ANKRD13B: variants seen among roughly 807,000 people sequenced by gnomAD.
The protein encoded by ANKRD13B is ankyrin repeat domain-containing protein 13B.
In ANKRD13B, 33 loss-of-function variants were observed where a neutral mutation model predicts 74.4. That is an observed-to-expected ratio of 0.44 (90% CI 0.34 to 0.59). The LOEUF is 0.59. Among genes scored for constraint, ANKRD13B ranks in the 20% least tolerant of loss-of-function variants. The probability of loss-of-function intolerance (pLI) is 0.02; values close to 1 mark genes in which losing one functional copy is unlikely to be tolerated. For synonymous variants in ANKRD13B, 341 were observed against 362.9 expected (o/e 0.94, Z 0.68); for missense variants, 676 against 877.9 (o/e 0.77, Z 2.91).
intron 1 of ANKRD13B, among the ~76,000 whole-genome samples, chr17:29,602,777 G>A (rs2034229012): frequency 6.6e-6 from 1 of 152,132 alleles, no homozygotes; most frequent in Non-Finnish European, 1.5e-5. Context: ...TCTTAGGAGG[G>A]GCACCATTCT....
At position 29,613,920 on chromosome 17, in the gene ANKRD13B, C is replaced by T. The variant is rs1423390201; in HGVS notation, c.*338C>T. On this transcript the variant is annotated 3_prime_UTR_variant, in exon 15 of 15. Coordinates refer to ENST00000394859, the MANE Select transcript of ANKRD13B (RefSeq NM_152345.5). ...ATGAATCCTTAGAGGAGCGCTGTCC[C>T]TATCCCTTGCTCCTTCTGGCCGGTC... 3 of 302,934 alleles carry T rather than the reference C, an allele frequency of 9.9e-6. No homozygotes were observed. Among genetic ancestry groups the T allele is most frequent in the African/African-American group, 4.3e-5 (2 of 46,130 alleles). 18.8% of individuals were successfully genotyped at this position (302,934 alleles called of 1,614,324 possible).
At chr17:29,593,881 ACCGGGAAAGGGTGATCCCCTCCGG>A in intron 1 of ANKRD13B, 146 bp downstream of exon 1, 2 of 167,836 alleles carry the variant, frequency 1.2e-5, no homozygotes, top group Non-Finnish European at 2.0e-5. Flanking sequence ...GTGCTTGTTG[ACCGGGAAAGGGTGATCCCCTCCGG>A]CCGGGACGGG....
intron 1 of ANKRD13B, among the ~76,000 whole-genome samples, chr17:29,602,567 A>G (rs2034221758): frequency 6.6e-6 from 1 of 152,074 alleles, no homozygotes; most frequent in Admixed American, 6.6e-5. Context: ...GCAGAACTCT[A>G]GTCTCTGCCT....
intron 14 of ANKRD13B, 152 bp downstream of exon 14, chr17:29,613,115 C>G: frequency 8.3e-7 from 1 of 1,198,538 alleles, no homozygotes. Flanking sequence ...AGGCGGCAGG[C>G]AGGGGTCAGG....
rs965829073 is a variant in ANKRD13B at position 29,613,606 on chromosome 17, AGCGCCACGC to A, written c.*34_*42del. 1.4e-6 allele frequency: 2 copies of A among 1,399,626 alleles called. No individual in the cohort carries two copies. Among genetic ancestry groups the A allele is most frequent in the African/African-American group, 1.5e-5 (1 of 66,382 alleles). The allele number at this position is 1,399,626 out of a possible 1,614,324, so 86.7% of individuals were successfully genotyped here. A position where few individuals can be genotyped will look rare whatever the true frequency, so the allele number is the denominator to read the frequency against. ...AGCGCCCCCTGCCGGGACCCTCGCCAGCGCCACGCGCGCCACGCCCAGGGCCAGGAGCCA... is the reference window on the plus strand; with the variant it reads ...AGCGCCCCCTGCCGGGACCCTCGCCAGCGCCACGCCCAGGGCCAGGAGCCA... On this transcript the variant is annotated 3_prime_UTR_variant, in exon 15 of 15. Transcript: ENST00000394859.
intron 1 of ANKRD13B, among the ~76,000 whole-genome samples, chr17:29,598,937 A>G (rs1237579317): frequency 6.6e-6 from 1 of 152,074 alleles, no homozygotes; most frequent in Non-Finnish European, 1.5e-5. Flanking sequence ...TGTCTAGCAA[A>G]TATTTATGTG....
rs768775763 is a variant in ANKRD13B at position 29,612,396 on chromosome 17, C to T, written c.1259-6C>T. The T allele has an allele frequency of 2.5e-6, 4 of 1,612,736 alleles. No homozygotes were observed. The highest frequency in any genetic ancestry group is 1.1e-5 in the South Asian group (1 of 90,846). Reference sequence around the variant, plus strand: ...TGGTGGCGCCTAAAGGTTTCCTCATCCTCAGAAATCCCGATCTTCCACATC... The same window carrying T: ...TGGTGGCGCCTAAAGGTTTCCTCATTCTCAGAAATCCCGATCTTCCACATC... On this transcript the variant is annotated splice_polypyrimidine_tract_variant and splice_region_variant and intron_variant, in intron 11 of 14. Transcript: ENST00000394859. This position sits in a 1 kb window ranked among gnomAD's most constrained non-coding sequence, Gnocchi z 6.1.
At position 29,607,833 on chromosome 17, in the gene ANKRD13B, C is replaced by A. The variant is rs1188207609; in HGVS notation, c.206C>A (p.Ala69Glu). 6.2e-7 allele frequency: 1 copy of A among 1,605,022 alleles called. No individual in the cohort carries two copies. The highest frequency in any genetic ancestry group is 1.1e-5 in the South Asian group (1 of 91,002). The change falls in exon 2 of 15, where the codon GCG becomes GAG. Residue 69 changes from alanine (A) to glutamate (E), a missense_variant. By Grantham distance (107) the Ala-to-Glu change is moderately radical. This residue lies in a region of ANKRD13B where 328 missense variants were observed against 518.4 expected (regional missense o/e 0.63). Coordinates refer to ENST00000394859, the MANE Select transcript of ANKRD13B (RefSeq NM_152345.5). ...GHLECARVLL[A>E]HGADVGRENR... ...CTTGAGTGTGCCCGTGTGCTCCTGG[C>A]GCACGGCGCAGACGTGGGCAGGGAG... is the stretch of plus-strand genomic sequence containing the variant.
At chr17:29,610,860 T>C in intron 8 of ANKRD13B, 94 bp downstream of exon 8, 1 of 1,236,084 alleles carries the variant, frequency 8.1e-7, no homozygotes, top group South Asian at 1.4e-5. Context: ...ACTGGCATCC[T>C]AGCAAGAGGC....
At position 29,612,705 on chromosome 17, in the gene ANKRD13B, T is replaced by C; in HGVS notation, c.1465T>C (p.Tyr489His). 6.3e-7 allele frequency: 1 copy of C among 1,598,288 alleles called. No individual in the cohort carries two copies. The highest frequency in any genetic ancestry group is 8.5e-7 in the Non-Finnish European group (1 of 1,177,558). The change falls in exon 13 of 15, where the codon TAC becomes CAC. Residue 489 changes from tyrosine (Y) to histidine (H), a missense_variant. Physicochemically the swap from Tyr to His is moderately conservative, Grantham distance 83. Around this residue, in one of 4 missense-constraint regions of ANKRD13B, gnomAD observed 152 missense variants for 181.4 expected, o/e 0.84. Transcript: ENST00000394859. The surrounding 1 kb of genome is among the most constrained non-coding windows in gnomAD (Gnocchi z 6.1). ...AGCGTTGTTCGAGGCCCCGCGCGGC[T>C]ACAGCATGATGGGCGGCCAGCGGGA... Reference protein sequence around the residue: ...SPALFEAPRGYSMMGGQREAA... With the variant: ...SPALFEAPRGHSMMGGQREAA...
rs1405978916 is a variant in ANKRD13B at position 29,593,143 on chromosome 17, T to TCATCCCCA, written c.-471_-464dup. On this transcript the variant is annotated 5_prime_UTR_variant, in exon 1 of 15. Coordinates refer to ENST00000394859, the MANE Select transcript of ANKRD13B (RefSeq NM_152345.5). ...GCCTGGTCCCCTTCCTCTCTCCCCA[T>TCATCCCCA]CATCCCCACATCCCCGTATCCCGCG... Among the ~76,000 whole-genome samples the TCATCCCCA allele has an allele frequency of 6.6e-6, 1 of 151,744 alleles. No individual in the cohort carries two copies. Among genetic ancestry groups the TCATCCCCA allele is most frequent in the African/African-American group, 2.4e-5 (1 of 41,330 alleles).
intron 14 of ANKRD13B, 171 bp from the exon 15 acceptor site, chr17:29,613,183 G>A: frequency 8.1e-7 from 1 of 1,231,058 alleles, no homozygotes; most frequent in Non-Finnish European, 1.1e-6. Context: ...GGAGAACTTG[G>A]TAGGGTCTGG....
chr17:29,600,974 GAGTGCAGTGGGATGATCTCTGCTCA>G (rs1335649424), intron 1 of ANKRD13B, among the ~76,000 whole-genome samples: 45 of 149,406 alleles, frequency 3.0e-4, no homozygotes, highest in African/African-American at 1.1e-3. Context: ...GCCTAGGCTG[GAGTGCAGTGGGATGATCTCTGCTCA>G]CTGCAACCTC....
At chr17:29,598,119 C>CG (rs1881817365) in intron 1 of ANKRD13B, among the ~76,000 whole-genome samples, 1 of 152,082 alleles carries the variant, frequency 6.6e-6, no homozygotes, top group South Asian at 2.1e-4. Flanking sequence ...TTGCAAGCCC[C>CG]GGAGTCCAGC....
At chr17:29,613,244 C>T (rs1340912852) in intron 14 of ANKRD13B, 110 bp from the exon 15 acceptor site, 1 of 1,391,732 alleles carries the variant, frequency 7.2e-7, no homozygotes, top group African/African-American at 1.5e-5. Flanking sequence ...TGACCGCCTC[C>T]ACTAGAGGGT....
At chr17:29,595,992 GA>G (rs934386725) in intron 1 of ANKRD13B, among the ~76,000 whole-genome samples, 1 of 152,166 alleles carries the variant, frequency 6.6e-6, no homozygotes, top group African/African-American at 2.4e-5. Context: ...AACATCATGA[GA>G]AAAGCACTGT....
At position 29,606,728 on chromosome 17, in the gene ANKRD13B, T is replaced by TA. The variant is rs370548766; in HGVS notation, c.115-982dup. Among the ~76,000 whole-genome samples, 584 of 62,960 alleles carry TA rather than the reference T, an allele frequency of 9.3e-3. 9 individuals carry two copies. The highest frequency in any genetic ancestry group is 0.024 in the East Asian group (47 of 1,982). 41.3% of individuals were successfully genotyped at this position (62,960 alleles called of 152,430 possible). A position where few individuals can be genotyped will look rare whatever the true frequency, so the allele number is the denominator to read the frequency against. On this transcript the variant is annotated intron_variant, in intron 1 of 14. Transcript: ENST00000394859. ...TGACATAGTGAGACCCTGTCTCAAG[T>TA]AAAAAAAAAAAAAAAAAAAAAAAAA...
intron 1 of ANKRD13B, among the ~76,000 whole-genome samples, chr17:29,602,724 T>C (rs936189501): frequency 2.0e-5 from 3 of 152,176 alleles, no homozygotes; most frequent in Non-Finnish European, 4.4e-5. Flanking sequence ...TGAAATAAGG[T>C]CTCATTCATA....
chr17:29,607,188 C>T (rs2034420453), intron 1 of ANKRD13B, among the ~76,000 whole-genome samples: 1 of 152,226 alleles, frequency 6.6e-6, no homozygotes, highest in African/African-American at 2.4e-5. Context: ...GTCCCACAAG[C>T]ACAGGACATG....
Sources: gnomAD v4.1 joint callset for allele counts (sites outside exome capture counted in the v4.1 genomes callset) on GRCh38, gnomAD v4.1.1 for gene constraint, gnomAD v4.1.1 regional missense constraint, Gnocchi (gnomAD v3.1) non-coding constraint, MANE v1.5 for transcripts, NCBI Gene and HGNC (gene_info 2026-07-23, HGNC 2026-07-21) for gene names.